PANX1: variants seen among roughly 807,000 people sequenced by gnomAD.
The protein encoded by PANX1 is pannexin 1, also known as pannexin-1.
In PANX1, 30 loss-of-function variants were observed where a neutral mutation model predicts 38.7. The ratio of observed to expected loss-of-function variants is 0.78; its 90% CI spans 0.58 to 1.05. The LOEUF is 1.05. Among genes scored for constraint, PANX1 ranks in the 50% least tolerant of loss-of-function variants. PANX1 has a pLI of 0.00. For synonymous variants in PANX1, 230 were observed against 212.2 expected, an observed-to-expected ratio of 1.08 and a Z score of -0.73; for missense variants, 551 against 517.2, an observed-to-expected ratio of 1.07 and a Z score of -0.63.
chr11:94,134,814 C>T (rs920202283), intron 1 of PANX1, among the ~76,000 whole-genome samples: 4 of 152,168 alleles, frequency 2.6e-5, no homozygotes, highest in Non-Finnish European at 4.4e-5. Context: ...GAAAAGAGCT[C>T]TCACCAGACA....
At chr11:94,144,614 T>G (rs1307859236) in intron 1 of PANX1, among the ~76,000 whole-genome samples, 1 of 152,104 alleles carries the variant, frequency 6.6e-6, no homozygotes, top group Non-Finnish European at 1.5e-5. Flanking sequence ...GGGACCAGGT[T>G]TCTGGGGAGA....
rs763736544 is a variant in PANX1, at chr11:94,129,296, C to T, written c.-17C>T. ...GCTGTACCCGGACCTCCTGGTCGAG[C>T]CTGGCGCGCCGCAGCCATGGCCATC... On this transcript the variant is annotated 5_prime_UTR_variant, in exon 1 of 5. Transcript: ENST00000227638. 9 of 1,595,640 alleles carry T rather than the reference C, an allele frequency of 5.6e-6. No individual in the cohort carries two copies. Among genetic ancestry groups the T allele is most frequent in the Non-Finnish European group, 7.7e-6 (9 of 1,166,478 alleles).
intron 1 of PANX1, among the ~76,000 whole-genome samples, chr11:94,136,901 C>G (rs571282858): frequency 5.3e-4 from 80 of 152,230 alleles, no homozygotes; most frequent in South Asian, 3.1e-3. Context: ...TACAGGAAAC[C>G]TAGTGGCTTC....
intron 2 of PANX1, among the ~76,000 whole-genome samples, chr11:94,159,020 T>A (rs1483129634): frequency 2.6e-5 from 4 of 152,222 alleles, no homozygotes; most frequent in Non-Finnish European, 5.9e-5. Context: ...ACGGTTTTTG[T>A]CATTGGTTCT....
At chr11:94,137,867 T>TATC in intron 1 of PANX1, among the ~76,000 whole-genome samples, 2 of 132,832 alleles carry the variant, frequency 1.5e-5, no homozygotes, top group Admixed American at 8.0e-5. Flanking sequence ...ACTACTATTC[T>TATC]TGAAAAACCA....
At chr11:94,165,753 A>G (rs1210215360) in intron 2 of PANX1, among the ~76,000 whole-genome samples, 3 of 152,022 alleles carry the variant, frequency 2.0e-5, no homozygotes, top group African/African-American at 7.2e-5. Flanking sequence ...CCTTCTACAC[A>G]TACAAAATTA....
intron 2 of PANX1, among the ~76,000 whole-genome samples, chr11:94,163,261 A>G (rs1947069205): frequency 6.6e-6 from 1 of 152,208 alleles, no homozygotes; most frequent in African/African-American, 2.4e-5. Flanking sequence ...ATAATGAGCA[A>G]ATCAGGGAAT....
At chr11:94,131,086 C>G (rs954426780) in intron 1 of PANX1, among the ~76,000 whole-genome samples, 2 of 152,166 alleles carry the variant, frequency 1.3e-5, no homozygotes, top group Non-Finnish European at 2.9e-5. Flanking sequence ...GTCAATTCCT[C>G]CTTCAGTACT....
chr11:94,180,913 G>A lies in PANX1; in HGVS notation c.*44G>A, dbSNP rs953188082. Reference sequence around the variant, plus strand: ...TGTAAATCTGTGACTTCTGCGACATGGGATTTAATTTGGCTAAAGCACCCC... The same window carrying A: ...TGTAAATCTGTGACTTCTGCGACATAGGATTTAATTTGGCTAAAGCACCCC... On this transcript the variant is annotated 3_prime_UTR_variant, in exon 5 of 5. Coordinates refer to ENST00000227638, the MANE Select transcript of PANX1 (RefSeq NM_015368.4). 6.1e-6 allele frequency: 7 copies of A among 1,153,406 alleles called. No homozygotes were observed. The highest frequency in any genetic ancestry group is 3.0e-5 in the African/African-American group (2 of 66,000). 71.4% of individuals were successfully genotyped at this position (1,153,406 alleles called of 1,614,324 possible).
chr11:94,168,498 AGG>A lies in PANX1; in HGVS notation c.322-9870_322-9869del, dbSNP rs1382892999. On this transcript the variant is annotated intron_variant, in intron 2 of 4. Coordinates refer to ENST00000227638, the MANE Select transcript of PANX1 (RefSeq NM_015368.4). ...TGAGGGTTCTAATTAGGGAACAGAAAGGAAAAGAAGCAGTTTTGTCCAAGAAG... is the reference window on the plus strand; with the variant it reads ...TGAGGGTTCTAATTAGGGAACAGAAAAAAAGAAGCAGTTTTGTCCAAGAAG... 4.5e-3 allele frequency among the ~76,000 whole-genome samples: 684 copies of A among 151,446 alleles called. 3 individuals carry two copies. The highest frequency in any genetic ancestry group is 0.016 in the African/African-American group (659 of 41,126).
At chr11:94,162,546 C>T (rs1378768024) in intron 2 of PANX1, among the ~76,000 whole-genome samples, 4 of 152,188 alleles carry the variant, frequency 2.6e-5, no homozygotes, top group African/African-American at 7.2e-5. Flanking sequence ...TCTGGTGTGC[C>T]ATTTGCTAAT....
chr11:94,170,994 A>C (rs1227761753), intron 2 of PANX1, among the ~76,000 whole-genome samples: 2 of 151,644 alleles, frequency 1.3e-5, no homozygotes, highest in Admixed American at 6.5e-5. Context: ...CTGTTTCTTC[A>C]TAGAAAACTC....
intron 1 of PANX1, among the ~76,000 whole-genome samples, chr11:94,150,187 TCATGTA>T (rs143659379): frequency 0.055 from 8,385 of 152,090 alleles, 777 homozygotes; most frequent in African/African-American, 0.19. Flanking sequence ...GCAGAGGGGA[TCATGTA>T]AGGCATAGAT....
At chr11:94,146,378 T>C (rs1255405195) in intron 1 of PANX1, among the ~76,000 whole-genome samples, 1 of 152,142 alleles carries the variant, frequency 6.6e-6, no homozygotes, top group African/African-American at 2.4e-5. Context: ...ACATTTAAAG[T>C]ATTTGATTCA....
chr11:94,177,946 G>T (rs1168935786), intron 2 of PANX1, among the ~76,000 whole-genome samples: 1 of 151,884 alleles, frequency 6.6e-6, no homozygotes, highest in Non-Finnish European at 1.5e-5. Flanking sequence ...CCAGATTCCA[G>T]AGTAGGGCAA....
rs1164545125 is a variant in PANX1, at chr11:94,179,753, T to C, written c.697T>C (p.Tyr233His). ...IILLACIYLG[Y>H]YFSLSSLSDE... ...ACTGTTAGCGTGTATCTACCTGGGC[T>C]ATTACTTCAGCCTCTCCTCACTCTC... The change falls in exon 4 of 5, where the codon TAT becomes CAT. Residue 233 changes from tyrosine (Y) to histidine (H), a missense_variant. Tyr to His is a moderately conservative substitution (Grantham distance 83, BLOSUM62 2). Transcript: ENST00000227638. 1 of 1,614,168 alleles carries C rather than the reference T, an allele frequency of 6.2e-7. No individual in the cohort carries two copies. The highest frequency in any genetic ancestry group is 2.2e-5 in the East Asian group (1 of 44,884).
intron 2 of PANX1, among the ~76,000 whole-genome samples, chr11:94,163,217 C>T (rs1256733362): frequency 6.6e-6 from 1 of 152,008 alleles, no homozygotes; most frequent in Non-Finnish European, 1.5e-5. Context: ...TATTTGTGGA[C>T]TACATGTGAT....
At chr11:94,157,692 G>C (rs375480097) in intron 2 of PANX1, among the ~76,000 whole-genome samples, 1 of 152,162 alleles carries the variant, frequency 6.6e-6, no homozygotes, top group Non-Finnish European at 1.5e-5. Flanking sequence ...TAGGTTGCCT[G>C]TTCACTCTGA....
intron 2 of PANX1, among the ~76,000 whole-genome samples, chr11:94,165,131 A>G (rs1158132393): frequency 1.3e-5 from 2 of 152,088 alleles, no homozygotes; most frequent in African/African-American, 4.8e-5. Flanking sequence ...CCAGTGAGCC[A>G]TTCTTTCTCT....
Sources: allele counts gnomAD v4.1 joint callset (sites outside exome capture counted in the v4.1 genomes callset), GRCh38; gene constraint gnomAD v4.1.1; transcripts MANE v1.5; gene names NCBI Gene and HGNC (gene_info 2026-07-23, HGNC 2026-07-21).